The following POLN variants were observed in gnomAD, a reference collection of about 807,000 sequenced individuals.
The protein encoded by POLN is DNA polymerase nu, also known as DNA polymerase N.
A neutral mutation model predicts 113.5 loss-of-function variants in POLN; 108 were observed. That is an observed-to-expected ratio of 0.95 (90% CI 0.81 to 1.12). The LOEUF (loss-of-function observed/expected upper bound fraction) is 1.12. Among genes scored for constraint, POLN ranks in the 50% most tolerant of loss-of-function variants. The pLI, the probability that POLN is intolerant of heterozygous loss-of-function variation, is 0.00. For synonymous variants in POLN, 386 were observed against 391.5 expected (o/e 0.99, Z 0.17); for missense variants, 1,097 against 1,077.1 (o/e 1.02, Z -0.26).
intron 19 of POLN, among the ~76,000 whole-genome samples, chr4:2,123,873 C>T (rs1389214402): frequency 6.6e-6 from 1 of 151,692 alleles, no homozygotes; most frequent in Non-Finnish European, 1.5e-5. Flanking sequence ...ATGCATTGTT[C>T]ATAATTGACA....
intron 7 of POLN, among the ~76,000 whole-genome samples, chr4:2,192,521 G>A (rs571593833): frequency 6.6e-6 from 1 of 152,004 alleles, no homozygotes; most frequent in Admixed American, 6.5e-5. Context: ...TGTATTTTTA[G>A]TAGAGACAGG....
chr4:2,200,992 G>A (rs1490841908), intron 5 of POLN, among the ~76,000 whole-genome samples: 1 of 152,086 alleles, frequency 6.6e-6, no homozygotes, highest in Admixed American at 6.6e-5. Context: ...GGGAGGCCGG[G>A]CACTGTGGCT....
At chr4:2,105,804 GTGATGATGATGATGA>G (rs147342911) in intron 19 of POLN, among the ~76,000 whole-genome samples, 1,727 of 144,908 alleles carry the variant, frequency 0.012, 37 homozygotes, top group African/African-American at 0.041. Context: ...CAGACAAATA[GTGATGATGATGATGA>G]TGATGATGAT....
intron 19 of POLN, among the ~76,000 whole-genome samples, chr4:2,123,213 G>C (rs998662599): frequency 6.6e-6 from 1 of 152,138 alleles, no homozygotes; most frequent in Non-Finnish European, 1.5e-5. Flanking sequence ...CCTCAGCTGG[G>C]CGTGGTGGTT....
chr4:2,212,984 A>C, intron 4 of POLN, 63 bp downstream of exon 4: 1 of 1,193,576 alleles, frequency 8.4e-7, no homozygotes, highest in Non-Finnish European at 1.2e-6. Context: ...TAGAACACTT[A>C]ATAAGCATCT....
chr4:2,167,544 G>C (rs1732758884), intron 13 of POLN, among the ~76,000 whole-genome samples: 1 of 152,164 alleles, frequency 6.6e-6, no homozygotes, highest in African/African-American at 2.4e-5. Context: ...TGAGAACCCT[G>C]AGGTGAGTGT....
At chr4:2,215,551 C>G (rs1220501982) in intron 3 of POLN, among the ~76,000 whole-genome samples, 1 of 152,184 alleles carries the variant, frequency 6.6e-6, no homozygotes, top group East Asian at 1.9e-4. Context: ...CCTGCACAAA[C>G]TAGTCACTGG....
At chr4:2,168,044 A>AG (rs1161357661) in intron 13 of POLN, among the ~76,000 whole-genome samples, 36 of 152,228 alleles carry the variant, frequency 2.4e-4, no homozygotes, top group African/African-American at 8.7e-4. Context: ...TCAAACAATG[A>AG]GAAAAAAATA....
At chr4:2,239,059 C>T (rs770949327) in intron 2 of POLN, 2 of 1,392,484 alleles carry the variant, frequency 1.4e-6, no homozygotes, top group Non-Finnish European at 1.9e-6. Flanking sequence ...CAAAGAAAAG[C>T]AATTACATTT....
intron 19 of POLN, among the ~76,000 whole-genome samples, chr4:2,123,541 C>T (rs1395577143): frequency 1.4e-5 from 2 of 147,400 alleles, no homozygotes; most frequent in African/African-American, 2.5e-5. Flanking sequence ...GCAGGAATCG[C>T]TTGATCCTGG....
intron 19 of POLN, among the ~76,000 whole-genome samples, chr4:2,106,650 G>T (rs1377679778): frequency 6.6e-6 from 1 of 152,162 alleles, no homozygotes; most frequent in Non-Finnish European, 1.5e-5. Context: ...TCCTTTGAGA[G>T]AGTTTTTCAG....
intron 7 of POLN, among the ~76,000 whole-genome samples, chr4:2,183,170 G>C (rs1055148338): frequency 1.3e-5 from 2 of 152,232 alleles, no homozygotes; most frequent in African/African-American, 4.8e-5. Context: ...ATTGGGCAAG[G>C]ATGTGGGGAA....
chr4:2,127,458 C>T lies in POLN; in HGVS notation c.1982+655G>A, dbSNP rs1181038040. Among the ~76,000 whole-genome samples the T allele has an allele frequency of 6.6e-6, 1 of 152,090 alleles. No individual in the cohort carries two copies. The highest frequency in any genetic ancestry group is 1.9e-4 in the East Asian group (1 of 5,174). ...AAAGTGGGTATAGCTGTTGTCTGCA[C>T]CGGGCTCTCCAAGAGCACCTTGACT... is the stretch of plus-strand genomic sequence containing the variant. On this transcript the variant is annotated intron_variant, in intron 19 of 25. Transcript: ENST00000511885. This position sits in a 1 kb window ranked among gnomAD's most constrained non-coding sequence, Gnocchi z 4.7.
intron 3 of POLN, among the ~76,000 whole-genome samples, chr4:2,215,357 T>A (rs1734087825): frequency 6.6e-6 from 1 of 152,134 alleles, no homozygotes; most frequent in Non-Finnish European, 1.5e-5. Flanking sequence ...AACACTCGGG[T>A]ACCCTGGGAG....
intron 18 of POLN, among the ~76,000 whole-genome samples, chr4:2,128,462 T>C (rs1731639764): frequency 6.6e-6 from 1 of 151,460 alleles, no homozygotes; most frequent in African/African-American, 2.4e-5. Flanking sequence ...TGGAGGGGAG[T>C]TGTGATAAAT....
intron 16 of POLN, among the ~76,000 whole-genome samples, chr4:2,152,195 C>T (rs542053416): frequency 5.1e-4 from 77 of 151,770 alleles, no homozygotes; most frequent in African/African-American, 1.7e-3. Flanking sequence ...CCATGCCCAC[C>T]TAATCTAATT....
intron 3 of POLN, among the ~76,000 whole-genome samples, chr4:2,224,024 T>C (rs1734324841): frequency 6.6e-6 from 1 of 152,258 alleles, no homozygotes; most frequent in Admixed American, 6.5e-5. Flanking sequence ...TATACACTTT[T>C]AAATTTTTTA....
intron 19 of POLN, among the ~76,000 whole-genome samples, chr4:2,121,446 A>T (rs35896089): frequency 0.046 from 3,816 of 83,704 alleles, 173 homozygotes; most frequent in African/African-American, 0.11. Flanking sequence ...AAAAAAAAAA[A>T]AAAAAAATAT....
At chr4:2,196,263 C>A (rs1391716979) in intron 6 of POLN, among the ~76,000 whole-genome samples, 1 of 152,138 alleles carries the variant, frequency 6.6e-6, no homozygotes, top group African/African-American at 2.4e-5. Context: ...ATCCGGCCAT[C>A]CAACTGCATC....
Sources: allele counts gnomAD v4.1 joint callset (sites outside exome capture counted in the v4.1 genomes callset), GRCh38; gene constraint gnomAD v4.1.1; non-coding constraint Gnocchi (gnomAD v3.1); transcripts MANE v1.5; gene names NCBI Gene and HGNC (gene_info 2026-07-23, HGNC 2026-07-21).